The following MMS22L variants were observed in gnomAD, a reference collection of about 807,000 sequenced individuals.
MMS22L encodes MMS22 like, DNA repair protein.
MMS22L carries 74 observed loss-of-function variants against 159.1 expected under a neutral mutation model. That is an observed-to-expected ratio of 0.47 (90% confidence interval 0.39 to 0.56). The LOEUF (loss-of-function observed/expected upper bound fraction) is 0.56, where lower values mean the gene tolerates loss of function less well. Among genes scored for constraint, MMS22L ranks in the 20% least tolerant of loss-of-function variants. The probability of loss-of-function intolerance (pLI) is 0.00; values close to 1 mark genes in which losing one functional copy is unlikely to be tolerated. For missense variants in MMS22L, 1,351 were observed against 1,422.1 expected (o/e 0.95, Z 0.80); for synonymous variants, 517 against 506.9 (o/e 1.02, Z -0.27).
chr6:97,259,712 TA>T (rs1194901726), intron 9 of MMS22L: 2 of 151,528 alleles, frequency 1.3e-5, no homozygotes, highest in Admixed American at 6.6e-5. Context: ...TATATATATA[TA>T]TCTATATATC....
intron 14 of MMS22L, among the ~76,000 whole-genome samples, chr6:97,205,687 AAAAC>A (rs1407050670): frequency 6.6e-6 from 1 of 152,198 alleles, no homozygotes; most frequent in African/African-American, 2.4e-5. Context: ...TGAAAAGCAC[AAAAC>A]AGTTTTAAGA....
chr6:97,265,727 T>C (rs1815029545), intron 8 of MMS22L: 2 of 151,894 alleles, frequency 1.3e-5, no homozygotes, highest in Non-Finnish European at 2.9e-5. Context: ...TTCTTTTTTT[T>C]TTTTTGAGGC....
intron 14 of MMS22L, among the ~76,000 whole-genome samples, chr6:97,228,305 T>A (rs1271686824): frequency 1.3e-5 from 2 of 152,206 alleles, no homozygotes; most frequent in Non-Finnish European, 2.9e-5. Flanking sequence ...TGACTTTAGT[T>A]CTGCATCTTG....
chr6:97,168,172 T>C lies in MMS22L; in HGVS notation c.2908A>G (p.Ile970Val), dbSNP rs764467233. ...SKAQKLLFRIIDCLLLPHAVL... is the reference protein window; with the variant it reads ...SKAQKLLFRIVDCLLLPHAVL... ...GCATGTGGCAGCAGTAAACAATCTA[T>C]GATCCGGAATAGTAATTTTTGGGCT... Residue 970 changes from isoleucine to valine, a missense_variant, in exon 20 of 25, where the codon ATA becomes GTA. Ile to Val is a conservative substitution (Grantham distance 29, BLOSUM62 3). Transcript: ENST00000683635. The C allele has an allele frequency of 6.2e-7, 1 of 1,613,270 alleles. No individual in the cohort carries two copies. The highest frequency in any genetic ancestry group is 8.5e-7 in the Non-Finnish European group (1 of 1,179,452).
chr6:97,237,415 A>T (rs1162399649), intron 11 of MMS22L, among the ~76,000 whole-genome samples: 1 of 152,146 alleles, frequency 6.6e-6, no homozygotes, highest in East Asian at 1.9e-4. Flanking sequence ...TTTAAAATAC[A>T]CTTCAAACTA....
chr6:97,239,531 C>A (rs1442697655), intron 11 of MMS22L, among the ~76,000 whole-genome samples: 1 of 152,220 alleles, frequency 6.6e-6, no homozygotes, highest in African/African-American at 2.4e-5. Context: ...TATACGTTCT[C>A]TTTACTAAAC....
intron 14 of MMS22L, among the ~76,000 whole-genome samples, chr6:97,211,782 C>T (rs953377498): frequency 3.9e-5 from 6 of 152,132 alleles, no homozygotes; most frequent in Non-Finnish European, 7.4e-5. Context: ...TAACAATTCA[C>T]TCAAGACCTT....
At chr6:97,235,839 C>A (rs550775646) in intron 11 of MMS22L, among the ~76,000 whole-genome samples, 5 of 152,092 alleles carry the variant, frequency 3.3e-5, no homozygotes, top group Admixed American at 6.5e-5. Context: ...AAGGAATTAG[C>A]TCTTGATAGA....
At chr6:97,246,146 C>T in intron 11 of MMS22L, 1 of 454,048 alleles carries the variant, frequency 2.2e-6, no homozygotes, top group Non-Finnish European at 4.4e-6. Context: ...TGAAGCACTA[C>T]ATTAACAGCT....
chr6:97,259,464 G>C (rs1288449387), intron 9 of MMS22L: 1 of 152,100 alleles, frequency 6.6e-6, no homozygotes, highest in Non-Finnish European at 1.5e-5. Context: ...ACAACAAAAA[G>C]TCCTCCGAGG....
chr6:97,240,642 T>TG (rs1811954868), intron 11 of MMS22L, among the ~76,000 whole-genome samples: 1 of 151,940 alleles, frequency 6.6e-6, no homozygotes, highest in African/African-American at 2.4e-5. Flanking sequence ...TTTTTTTTTT[T>TG]TGAGACAGAG....
Position 97,274,925 on chromosome 6 carries a change from G to A in MMS22L, c.341-1863C>T, listed in dbSNP as rs55867341. Among the ~76,000 whole-genome samples, 79 of 152,216 alleles carry A rather than the reference G, an allele frequency of 5.2e-4. 1 individual carries two copies. The highest frequency in any genetic ancestry group is 9.4e-4 in the Non-Finnish European group (64 of 68,014). On this transcript the variant is annotated intron_variant, in intron 4 of 24. Transcript: ENST00000683635. ...AAATCTCATAATAGACTACGCACGA[G>A]AAAGAATTCTCAAAGCCTTACTAGA...
chr6:97,210,880 C>T (rs576951440), intron 14 of MMS22L, among the ~76,000 whole-genome samples: 2 of 152,050 alleles, frequency 1.3e-5, no homozygotes, highest in Admixed American at 1.3e-4. Context: ...TTACCATCTT[C>T]CATGAGTAGT....
At chr6:97,189,367 C>G (rs1805609003) in intron 14 of MMS22L, among the ~76,000 whole-genome samples, 1 of 150,766 alleles carries the variant, frequency 6.6e-6, no homozygotes. Context: ...CAAGACCAGC[C>G]TGGGCAACAT....
intron 23 of MMS22L, among the ~76,000 whole-genome samples, chr6:97,150,989 T>C (rs575441674): frequency 2.0e-5 from 3 of 152,210 alleles, no homozygotes; most frequent in Non-Finnish European, 4.4e-5. Context: ...ATAAAGTCCA[T>C]GCTTCACAAA....
At chr6:97,150,168 T>C (rs1582348994) in intron 23 of MMS22L, 148 bp from the exon 24 acceptor site, 1 of 578,372 alleles carries the variant, frequency 1.7e-6, no homozygotes, top group Non-Finnish European at 2.9e-6. Flanking sequence ...GAAAACTATT[T>C]AAAACACTTT....
At chr6:97,181,830 A>C (rs1804743166) in intron 16 of MMS22L, 74 bp downstream of exon 16, 15 of 1,493,326 alleles carry the variant, frequency 1.0e-5, no homozygotes, top group Non-Finnish European at 8.1e-6. Flanking sequence ...CATTTGTGAA[A>C]ATTCTTAGCT....
intron 14 of MMS22L, among the ~76,000 whole-genome samples, chr6:97,193,781 G>T (rs1806150969): frequency 6.6e-6 from 1 of 152,120 alleles, no homozygotes; most frequent in East Asian, 1.9e-4. Flanking sequence ...TATTTTTTGA[G>T]ACGGAGTCTC....
intron 3 of MMS22L, among the ~76,000 whole-genome samples, chr6:97,279,190 C>CT (rs1334094110): frequency 6.6e-6 from 1 of 152,176 alleles, no homozygotes; most frequent in African/African-American, 2.4e-5. Flanking sequence ...CTGTTTATAT[C>CT]TTTAAGTTTA....
Sources: allele counts gnomAD v4.1 joint callset (sites outside exome capture counted in the v4.1 genomes callset), GRCh38; gene constraint gnomAD v4.1.1; transcripts MANE v1.5; gene names NCBI Gene and HGNC (gene_info 2026-07-23, HGNC 2026-07-21).